Variants in VPS26B observed in about 807,000 individuals in gnomAD.
VPS26B encodes the protein vacuolar protein sorting-associated protein 26B.
In VPS26B, 10 loss-of-function variants were observed where a neutral mutation model predicts 33.3. The observed-to-expected ratio is 0.30, with a 90% confidence interval of 0.19 to 0.51. VPS26B has a LOEUF of 0.51. VPS26B is among the 20% of genes least tolerant of loss of function. The pLI, the probability that VPS26B is intolerant of heterozygous loss-of-function variation, is 0.98. For missense variants in VPS26B, 317 were observed against 452.7 expected (o/e 0.70, Z 2.72); for synonymous variants, 190 against 176.9 (o/e 1.07, Z -0.59).
chr11:134,244,844 C>A lies in VPS26B; in HGVS notation c.722-94C>A. On this transcript the variant is annotated intron_variant, in intron 4 of 5. Transcript: ENST00000281187. This position sits in a 1 kb window ranked among gnomAD's most constrained non-coding sequence, Gnocchi z 4.0. ...AAGGCTGAAGTGCTCGTGTGCTGCACTCCAGTGGCATCTCTGCAGTGGTCA... is the reference window on the plus strand; with the variant it reads ...AAGGCTGAAGTGCTCGTGTGCTGCAATCCAGTGGCATCTCTGCAGTGGTCA... 1 of 1,491,876 alleles carries A rather than the reference C, an allele frequency of 6.7e-7. No individual in the cohort carries two copies. 92.4% of individuals were successfully genotyped at this position (1,491,876 alleles called of 1,614,324 possible). A position where few individuals can be genotyped will look rare whatever the true frequency, so the allele number is the denominator to read the frequency against.
chr11:134,246,483 C>T lies in VPS26B; in HGVS notation c.*893C>T, dbSNP rs1004294831. On this transcript the variant is annotated 3_prime_UTR_variant, in exon 6 of 6. Coordinates refer to ENST00000281187, the MANE Select transcript of VPS26B (RefSeq NM_052875.5). ...TCCCAGGAAGGGGCCTTGATCCCTCCGCCTTGCTGAGAGTGAACCCTCGTC... is the reference window on the plus strand; with the variant it reads ...TCCCAGGAAGGGGCCTTGATCCCTCTGCCTTGCTGAGAGTGAACCCTCGTC... The T allele has an allele frequency of 3.3e-5, 5 of 152,254 alleles. No homozygotes were observed. The highest frequency in any genetic ancestry group is 6.5e-5 in the Admixed American group (1 of 15,290). 9.4% of individuals were successfully genotyped at this position (152,254 alleles called of 1,614,324 possible). A position where few individuals can be genotyped will look rare whatever the true frequency, so the allele number is the denominator to read the frequency against.
chr11:134,245,352 G>A lies in VPS26B; in HGVS notation c.865-92G>A, dbSNP rs1938793566. On this transcript the variant is annotated intron_variant, in intron 5 of 5. Coordinates refer to ENST00000281187, the MANE Select transcript of VPS26B (RefSeq NM_052875.5). The surrounding 1 kb of genome is among the most constrained non-coding windows in gnomAD (Gnocchi z 4.7). The stretch of plus-strand genomic sequence containing the variant: ...AGAGAAGCAGAGGAGGTCCTTGCCC[G>A]AGATTCCCCACGTCAAAGTTGGGAG... The A allele has an allele frequency of 6.4e-6, 10 of 1,563,908 alleles. No homozygotes were observed. The highest frequency in any genetic ancestry group is 2.3e-5 in the South Asian group (2 of 85,728).
At chr11:134,238,658 T>TGC in intron 2 of VPS26B, among the ~76,000 whole-genome samples, 1 of 152,298 alleles carries the variant, frequency 6.6e-6, no homozygotes, top group South Asian at 2.1e-4. Context: ...TGCAGTGGCT[T>TGC]GATCTCGGCT....
At chr11:134,241,552 C>T (rs777760227) in intron 3 of VPS26B, among the ~76,000 whole-genome samples, 14 of 152,314 alleles carry the variant, frequency 9.2e-5, no homozygotes, top group Non-Finnish European at 1.9e-4. Flanking sequence ...CAGGGCTCTG[C>T]GGTCCTGCCC....
At chr11:134,225,383 C>T in intron 1 of VPS26B, 38 bp downstream of exon 1, 2 of 1,605,962 alleles carry the variant, frequency 1.2e-6, no homozygotes, top group Non-Finnish European at 1.7e-6. Context: ...CCAGCGCCGA[C>T]AGCCGGCCGG....
Position 134,232,562 on chromosome 11 carries a change from T to G in VPS26B, c.224-2335T>G, listed in dbSNP as rs1226605969. Among the ~76,000 whole-genome samples, 5 of 152,250 alleles carry G rather than the reference T, an allele frequency of 3.3e-5. No individual in the cohort carries two copies. The South Asian group carries it at 6.2e-4, about 19-fold the overall frequency. ...AGGGAATGACTTCTCCTGCTCCAGG[T>G]GCCCTGCTGGGGCAGGCCGAACCTT... On this transcript the variant is annotated intron_variant, in intron 1 of 5. Transcript: ENST00000281187.
intron 1 of VPS26B, 105 bp downstream of exon 1, chr11:134,225,450 C>G (rs1266838231): frequency 8.7e-7 from 1 of 1,144,180 alleles, no homozygotes; most frequent in African/African-American, 1.5e-5. Flanking sequence ...AGTCGCTTGT[C>G]AACTGCAGTC....
At chr11:134,241,005 A>G (rs1938717441) in intron 3 of VPS26B, among the ~76,000 whole-genome samples, 1 of 152,204 alleles carries the variant, frequency 6.6e-6, no homozygotes, top group Non-Finnish European at 1.5e-5. Flanking sequence ...GGGAAGATGT[A>G]TATCTTTTAA....
chr11:134,233,175 A>C (rs1938581610), intron 1 of VPS26B, among the ~76,000 whole-genome samples: 1 of 152,236 alleles, frequency 6.6e-6, no homozygotes, highest in Admixed American at 6.5e-5. Flanking sequence ...CACAAGCCAC[A>C]GCCACACAAT....
At chr11:134,238,803 G>T (rs993651828) in intron 2 of VPS26B, among the ~76,000 whole-genome samples, 3 of 151,884 alleles carry the variant, frequency 2.0e-5, no homozygotes, top group African/African-American at 7.3e-5. Flanking sequence ...CACTGTGTTA[G>T]CCAGGATGGT....
In VPS26B at chr11:134,247,408, G is replaced by A. The variant is rs1301073329; in HGVS notation, c.*1818G>A. 6.6e-6 allele frequency: 1 copy of A among 152,168 alleles called. No homozygotes were observed. Among genetic ancestry groups the A allele is most frequent in the African/African-American group, 2.4e-5 (1 of 41,438 alleles). 9.4% of individuals were successfully genotyped at this position (152,168 alleles called of 1,614,324 possible). A position where few individuals can be genotyped will look rare whatever the true frequency, so the allele number is the denominator to read the frequency against. Reference sequence around the variant, plus strand: ...CTTTGCCTCCCAACTGACAACACACGTTCATTTTCCAACCTTCCTAACATC... The same window carrying A: ...CTTTGCCTCCCAACTGACAACACACATTCATTTTCCAACCTTCCTAACATC... On this transcript the variant is annotated 3_prime_UTR_variant, in exon 6 of 6. Transcript: ENST00000281187.
chr11:134,239,841 G>A (rs1407729514), intron 2 of VPS26B, 150 bp from the exon 3 acceptor site: 11 of 794,452 alleles, frequency 1.4e-5, no homozygotes, highest in Non-Finnish European at 2.3e-5. Context: ...TTCCCTGGAA[G>A]AGGGTCTGTA....
chr11:134,244,905 C>T lies in VPS26B; in HGVS notation c.722-33C>T, dbSNP rs747479098. 3.1e-6 allele frequency: 5 copies of T among 1,603,662 alleles called. No individual in the cohort carries two copies. Among genetic ancestry groups the T allele is most frequent in the Non-Finnish European group, 4.2e-6 (5 of 1,177,788 alleles). ...GTATAAGGGAGAGGGCATCACCTTG[C>T]CCCCTGTGCTGACTCCTGCCCTCCC... On this transcript the variant is annotated intron_variant, in intron 4 of 5. Coordinates refer to ENST00000281187, the MANE Select transcript of VPS26B (RefSeq NM_052875.5). This position sits in a 1 kb window ranked among gnomAD's most constrained non-coding sequence, Gnocchi z 4.0.
rs74462513 is a variant in VPS26B at position 134,225,185 on chromosome 11, T to C, written c.63T>C (p.Ser21=). The C allele has an allele frequency of 2.6e-3, 4,165 of 1,613,112 alleles. 81 individuals are homozygous for C. The African/African-American group carries it at 0.045, about 17-fold the overall frequency. Reference sequence around the variant, plus strand: ...AAATCCTTCTGAACGATGCAGAGAGTAGGAAGCGGGCCGAGCACAAGACGG... The same window carrying C: ...AAATCCTTCTGAACGATGCAGAGAGCAGGAAGCGGGCCGAGCACAAGACGG... The part of the protein sequence containing the change: ...EVEILLNDAE[S]RKRAEHKTED... Residue 21 remains serine (S), a synonymous_variant, in exon 1 of 6, where the codon AGT becomes AGC. Coordinates refer to ENST00000281187, the MANE Select transcript of VPS26B (RefSeq NM_052875.5).
intron 1 of VPS26B, among the ~76,000 whole-genome samples, chr11:134,227,760 T>C (rs1461734976): frequency 1.3e-5 from 2 of 152,216 alleles, no homozygotes; most frequent in Non-Finnish European, 2.9e-5. Flanking sequence ...GGTGAGAATG[T>C]TGGGCATGCC....
intron 1 of VPS26B, 84 bp from the exon 2 acceptor site, chr11:134,234,813 A>G: frequency 6.5e-7 from 1 of 1,534,336 alleles, no homozygotes; most frequent in South Asian, 1.3e-5. Context: ...CAGTCCCTCC[A>G]GCCTACAGCC....
Position 134,245,122 on chromosome 11 carries a change from G to C in VPS26B, c.864+42G>C. On this transcript the variant is annotated intron_variant, in intron 5 of 5. Transcript: ENST00000281187. The surrounding 1 kb of genome is among the most constrained non-coding windows in gnomAD (Gnocchi z 4.7). ...TCCAGGCCCCGATGCCCTTGGGACAGAACAGGAGGCTCTCTTTCCTATGGA... is the reference window on the plus strand; with the variant it reads ...TCCAGGCCCCGATGCCCTTGGGACACAACAGGAGGCTCTCTTTCCTATGGA... The C allele has an allele frequency of 6.3e-7, 1 of 1,599,834 alleles. No individual in the cohort carries two copies. The highest frequency in any genetic ancestry group is 8.5e-7 in the Non-Finnish European group (1 of 1,174,446).
rs1938714033 is a variant in VPS26B, at chr11:134,240,879, TG to T, written c.545+725del. On this transcript the variant is annotated intron_variant, in intron 3 of 5. Transcript: ENST00000281187. This position sits in a 1 kb window ranked among gnomAD's most constrained non-coding sequence, Gnocchi z 4.4. Reference sequence around the variant, plus strand: ...GGCTGGTCTTGAACTACTGAGCTCGTGATCTGCCTGCCTTGGCTTCCCACAG... The same window carrying T: ...GGCTGGTCTTGAACTACTGAGCTCGTATCTGCCTGCCTTGGCTTCCCACAG... 6.8e-6 allele frequency among the ~76,000 whole-genome samples: 1 copy of T among 147,620 alleles called. No individual in the cohort carries two copies. Among genetic ancestry groups the T allele is most frequent in the Non-Finnish European group, 1.5e-5 (1 of 66,654 alleles).
In VPS26B at chr11:134,244,769, A is replaced by G; in HGVS notation, c.722-169A>G. On this transcript the variant is annotated intron_variant, in intron 4 of 5. Transcript: ENST00000281187. The surrounding 1 kb of genome is among the most constrained non-coding windows in gnomAD (Gnocchi z 4.0). ...ACCTGGAGTGGAACTGGAGAGTCAC[A>G]TTTTTGTTTCAGCCACCTGCTGGGC... 2 of 860,890 alleles carry G rather than the reference A, an allele frequency of 2.3e-6. No homozygotes were observed. The highest frequency in any genetic ancestry group is 1.9e-5 in the South Asian group (1 of 51,960). The allele number at this position is 860,890 out of a possible 1,614,324, so 53.3% of individuals were successfully genotyped here.
Sources: allele counts gnomAD v4.1 joint callset (sites outside exome capture counted in the v4.1 genomes callset), GRCh38; gene constraint gnomAD v4.1.1; non-coding constraint Gnocchi (gnomAD v3.1); transcripts MANE v1.5; gene names NCBI Gene and HGNC (gene_info 2026-07-23, HGNC 2026-07-21).